SS18: variants seen among roughly 807,000 people sequenced by gnomAD.
The protein encoded by SS18 is SS18 subunit of BAF chromatin remodeling complex.
A neutral mutation model predicts 72.5 loss-of-function variants in SS18; 28 were observed. The observed-to-expected ratio is 0.39, with a 90% CI of 0.29 to 0.53. SS18 has a LOEUF of 0.53. SS18 is among the 20% of genes least tolerant of loss of function. The pLI is 0.76. For missense variants in SS18, 518 were observed against 535.3 expected, an observed-to-expected ratio of 0.97 and a Z score of 0.32; for synonymous variants, 172 against 164.2, an observed-to-expected ratio of 1.05 and a Z score of -0.37.
At chr18:26,067,172 C>T (rs1009486772) in intron 3 of SS18, among the ~76,000 whole-genome samples, 1 of 152,174 alleles carries the variant, frequency 6.6e-6, no homozygotes, top group Admixed American at 6.5e-5. Flanking sequence ...AGAGACATTT[C>T]ACCCACAGTC....
intron 10 of SS18, among the ~76,000 whole-genome samples, chr18:26,024,454 G>A (rs573484917): frequency 1.3e-5 from 2 of 152,272 alleles, no homozygotes; most frequent in East Asian, 3.9e-4. Flanking sequence ...CTCCTGAAGA[G>A]CTGGGACTAC....
At chr18:26,034,877 T>C (rs1043977594) in intron 9 of SS18, 128 bp downstream of exon 9, 56 of 1,209,616 alleles carry the variant, frequency 4.6e-5, no homozygotes, top group African/African-American at 1.4e-4. Context: ...ATTTTAACAG[T>C]AGACTAGTCT....
At chr18:26,018,952 TAAAATC>T (rs142955601) in intron 10 of SS18, among the ~76,000 whole-genome samples, 2,188 of 152,278 alleles carry the variant, frequency 0.014, 58 homozygotes, top group African/African-American at 0.05. Context: ...CACAGGGACA[TAAAATC>T]AAGGAAAGCT....
intron 3 of SS18, among the ~76,000 whole-genome samples, chr18:26,061,658 CAA>C (rs931032016): frequency 7.1e-6 from 1 of 140,832 alleles, no homozygotes. Flanking sequence ...AGTGCTAAGA[CAA>C]AAAAAAAAGA....
chr18:26,083,432 T>C (rs1326235726), intron 2 of SS18, among the ~76,000 whole-genome samples: 3 of 152,164 alleles, frequency 2.0e-5, no homozygotes. Flanking sequence ...TTCTGATAAA[T>C]GTGTTGTTAG....
Position 26,027,671 on chromosome 18 carries a change from T to TAA in SS18, c.1230+4726_1230+4727dup, listed in dbSNP as rs68048813. Among the ~76,000 whole-genome samples, 108 of 27,306 alleles carry TAA rather than the reference T, an allele frequency of 4.0e-3. 9 individuals carry two copies. Among genetic ancestry groups the TAA allele is most frequent in the Admixed American group, 5.4e-3 (12 of 2,236 alleles). 17.9% of individuals were successfully genotyped at this position (27,306 alleles called of 152,430 possible). ...TGGTGGTGACAGAGCGAGACTCATC[T>TAA]AAAAAAAAAAAAAAAAAAAAAAAAA... is the stretch of plus-strand genomic sequence containing the variant. On this transcript the variant is annotated intron_variant, in intron 10 of 10. Transcript: ENST00000415083.
chr18:26,021,700 A>G (rs2053353428), intron 10 of SS18, among the ~76,000 whole-genome samples: 1 of 152,246 alleles, frequency 6.6e-6, no homozygotes, highest in Non-Finnish European at 1.5e-5. Flanking sequence ...AGGAAGATCA[A>G]TAACATTTGT....
chr18:26,050,434 G>T (rs2143965093), intron 5 of SS18, among the ~76,000 whole-genome samples: 1 of 151,766 alleles, frequency 6.6e-6, no homozygotes, highest in African/African-American at 2.4e-5. Flanking sequence ...GTTTTATAAT[G>T]AAATGAATAT....
chr18:26,043,299 GAA>G lies in SS18; in HGVS notation c.608-3845_608-3844del, dbSNP rs200302550. Among the ~76,000 whole-genome samples, 743 of 152,128 alleles carry G rather than the reference GAA, an allele frequency of 4.9e-3. 9 individuals are homozygous for G. Among genetic ancestry groups the G allele is most frequent in the African/African-American group, 0.017 (699 of 41,518 alleles). On this transcript the variant is annotated intron_variant, in intron 5 of 10. Transcript: ENST00000415083. ...CTTTTCCCATGCCACTATCTCCCATGAAAAGAGTTCTGTATAATATATCTCTA... is the reference window on the plus strand; with the variant it reads ...CTTTTCCCATGCCACTATCTCCCATGAAGAGTTCTGTATAATATATCTCTA...
chr18:26,065,166 C>G (rs2054190585), intron 3 of SS18, among the ~76,000 whole-genome samples: 1 of 152,058 alleles, frequency 6.6e-6, no homozygotes, highest in African/African-American at 2.4e-5. Flanking sequence ...TGATGTTGAC[C>G]TCAAGATTCC....
intron 1 of SS18, 68 bp downstream of exon 1, chr18:26,090,433 C>A: frequency 6.7e-7 from 1 of 1,502,780 alleles, no homozygotes; most frequent in South Asian, 1.2e-5. Context: ...GGGCCCGGCC[C>A]TTCCCCCCGC....
intron 10 of SS18, among the ~76,000 whole-genome samples, chr18:26,022,372 A>G (rs765323763): frequency 7.2e-4 from 109 of 152,148 alleles, no homozygotes; most frequent in Non-Finnish European, 1.4e-3. Context: ...ATGAAGAGAA[A>G]TGTTATGTTG....
intron 2 of SS18, chr18:26,082,276 T>C (rs924059775): frequency 1.3e-5 from 9 of 676,440 alleles, no homozygotes; most frequent in African/African-American, 2.0e-5. Context: ...ATCAATTACT[T>C]TGAATAAAGT....
rs68048813 is a variant in SS18, at chr18:26,027,671, T to TAAA, written c.1230+4725_1230+4727dup. 1.0e-3 allele frequency among the ~76,000 whole-genome samples: 28 copies of TAAA among 27,292 alleles called. 2 individuals are homozygous for TAAA. Among genetic ancestry groups the TAAA allele is most frequent in the South Asian group, 1.9e-3 (1 of 534 alleles). The allele number at this position is 27,292 out of a possible 152,430, so 17.9% of individuals were successfully genotyped here. A position where few individuals can be genotyped will look rare whatever the true frequency, so the allele number is the denominator to read the frequency against. The stretch of plus-strand genomic sequence containing the variant: ...TGGTGGTGACAGAGCGAGACTCATC[T>TAAA]AAAAAAAAAAAAAAAAAAAAAAAAA... On this transcript the variant is annotated intron_variant, in intron 10 of 10. Transcript: ENST00000415083.
At chr18:26,050,819 G>T (rs1250912317) in intron 5 of SS18, among the ~76,000 whole-genome samples, 1 of 152,176 alleles carries the variant, frequency 6.6e-6, no homozygotes, top group Non-Finnish European at 1.5e-5. Context: ...TGAGGCAGGA[G>T]AATGGTGTGA....
At chr18:26,023,640 C>A (rs1013012476) in intron 10 of SS18, 7 of 527,524 alleles carry the variant, frequency 1.3e-5, no homozygotes, top group Non-Finnish European at 2.6e-5. Flanking sequence ...ATTCTATACC[C>A]AGAGAAAATA....
At chr18:26,052,994 C>G in intron 4 of SS18, 149 bp from the exon 5 acceptor site, 1 of 649,932 alleles carries the variant, frequency 1.5e-6, no homozygotes, top group Non-Finnish European at 2.6e-6. Flanking sequence ...TAGGAAAAGA[C>G]AGCAAATACT....
intron 10 of SS18, among the ~76,000 whole-genome samples, chr18:26,026,811 A>G (rs2053453749): frequency 6.6e-6 from 1 of 152,244 alleles, no homozygotes; most frequent in Non-Finnish European, 1.5e-5. Context: ...CAATACACAA[A>G]AATAAGCTGT....
In SS18 at chr18:26,050,439, G is replaced by A. The variant is rs1006768588; in HGVS notation, c.607+2185C>T. Among the ~76,000 whole-genome samples the A allele has an allele frequency of 2.6e-5, 4 of 151,702 alleles. No homozygotes were observed. The South Asian group carries it at 8.3e-4, about 31-fold the overall frequency. ...CTAAGAAAATGTTTTATAATGAAAT[G>A]AATATTAAAACTTCATTAATAAAAC... On this transcript the variant is annotated intron_variant, in intron 5 of 10. Transcript: ENST00000415083.
Sources: allele counts gnomAD v4.1 joint callset (sites outside exome capture counted in the v4.1 genomes callset), GRCh38; gene constraint gnomAD v4.1.1; transcripts MANE v1.5; gene names NCBI Gene and HGNC (gene_info 2026-07-23, HGNC 2026-07-21).